MMRN1: variants seen among roughly 807,000 people sequenced by gnomAD.
MMRN1 encodes multimerin-1.
MMRN1 carries 94 observed loss-of-function variants against 100.7 expected under a neutral mutation model. That is an observed-to-expected ratio of 0.93 (90% confidence interval 0.79 to 1.11). The LOEUF (loss-of-function observed/expected upper bound fraction) is 1.11. MMRN1 is among the 50% of genes least tolerant of loss of function. MMRN1 has a pLI of 0.00. For synonymous variants in MMRN1, 575 were observed against 505.0 expected, an observed-to-expected ratio of 1.14 and a Z score of -1.86; for missense variants, 1,606 against 1,439.1, an observed-to-expected ratio of 1.12 and a Z score of -1.88.
intron 1 of MMRN1, among the ~76,000 whole-genome samples, chr4:89,889,116 T>G (rs532130239): frequency 6.6e-6 from 1 of 152,288 alleles, no homozygotes; most frequent in South Asian, 2.1e-4. Context: ...GTAATTGAGC[T>G]AGGTCTAATA....
At position 89,932,337 on chromosome 4, in the gene MMRN1, C is replaced by T. The variant is rs567727680; in HGVS notation, c.1130-2473C>T. ...CCTCTCTTCCAGCTGCTTCCATGGG[C>T]TGATTTTGAAGGTCTGTGGCTTTTT... is the stretch of plus-strand genomic sequence containing the variant. On this transcript the variant is annotated intron_variant, in intron 5 of 7. Transcript: ENST00000264790. Among the ~76,000 whole-genome samples, 3 of 152,260 alleles carry T rather than the reference C, an allele frequency of 2.0e-5. No homozygotes were observed. In the South Asian group the frequency reaches 6.2e-4, roughly 32 times the overall value.
upstream of MMRN1, among the ~76,000 whole-genome samples, chr4:89,890,883 T>TC (rs954863365): frequency 6.6e-6 from 1 of 152,050 alleles, no homozygotes; most frequent in Admixed American, 6.6e-5. Context: ...TGTTTTTTTT[T>TC]CCTGATAAAC....
intron 2 of MMRN1, among the ~76,000 whole-genome samples, chr4:89,911,039 A>G (rs1217981446): frequency 6.6e-6 from 1 of 151,362 alleles, no homozygotes; most frequent in Non-Finnish European, 1.5e-5. Context: ...GAGTTATTTC[A>G]TCTCTCTGTT....
At chr4:89,947,099 C>T (rs1242699752) in intron 6 of MMRN1, among the ~76,000 whole-genome samples, 5 of 152,042 alleles carry the variant, frequency 3.3e-5, no homozygotes, top group South Asian at 2.1e-4. Flanking sequence ...TTGGCCCACA[C>T]GGTGAAACCC....
At chr4:89,885,250 T>C (rs982897824) in intron 1 of MMRN1, among the ~76,000 whole-genome samples, 17 of 152,076 alleles carry the variant, frequency 1.1e-4, no homozygotes, top group Middle Eastern at 3.4e-3. Flanking sequence ...GCCTGACTTC[T>C]GAGTGTAAAT....
intron 1 of MMRN1, among the ~76,000 whole-genome samples, chr4:89,883,864 A>G (rs1330938105): frequency 6.6e-6 from 1 of 152,120 alleles, no homozygotes; most frequent in African/African-American, 2.4e-5. Context: ...TACAAGGTGT[A>G]TGGTTTTAAT....
At chr4:89,907,845 T>G (rs111878299) in intron 1 of MMRN1, among the ~76,000 whole-genome samples, 1 of 150,282 alleles carries the variant, frequency 6.7e-6, no homozygotes, top group Non-Finnish European at 1.5e-5. Flanking sequence ...TTTTTTTCTA[T>G]TTACTGGATT....
intron 3 of MMRN1, among the ~76,000 whole-genome samples, chr4:89,916,636 G>C (rs907414471): frequency 6.6e-6 from 1 of 151,442 alleles, no homozygotes; most frequent in Non-Finnish European, 1.5e-5. Flanking sequence ...ATTTTCACTT[G>C]ATACTTCTAT....
upstream of MMRN1, among the ~76,000 whole-genome samples, chr4:89,892,515 C>CT (rs1231921457): frequency 6.6e-6 from 1 of 151,756 alleles, no homozygotes; most frequent in African/African-American, 2.4e-5. Context: ...GACAAGGTCT[C>CT]TGACAATTTC....
At chr4:89,921,961 G>A (rs1048762344) in intron 3 of MMRN1, among the ~76,000 whole-genome samples, 4 of 152,106 alleles carry the variant, frequency 2.6e-5, no homozygotes, top group Admixed American at 6.5e-5. Context: ...GAAGAAGCAC[G>A]GCTAGACACA....
chr4:89,935,101 G>T lies in MMRN1; in HGVS notation c.1421G>T (p.Cys474Phe). 8 of 1,613,726 alleles carry T rather than the reference G, an allele frequency of 5.0e-6. No homozygotes were observed. The highest frequency in any genetic ancestry group is 6.8e-6 in the Non-Finnish European group (8 of 1,179,776). Reference protein sequence around the residue: ...VNVRQEMTLTCEKPIKELEVK... With the variant: ...VNVRQEMTLTFEKPIKELEVK... ...GTAAGGCAAGAAATGACTCTTACAT[G>T]TGAGAAGCCTATTAAAGAACTAGAA... The change falls in exon 6 of 8, where the codon TGT becomes TTT. Residue 474 changes from cysteine (C) to phenylalanine (F), a missense_variant. Transcript: ENST00000264790.
At chr4:89,939,059 G>A (rs1447105309) in intron 6 of MMRN1, among the ~76,000 whole-genome samples, 4 of 152,092 alleles carry the variant, frequency 2.6e-5, no homozygotes, top group Non-Finnish European at 5.9e-5. Flanking sequence ...AGCAGGCAAG[G>A]TCTATGAAAG....
In MMRN1 at chr4:89,884,097, T is replaced by G. The variant is rs913454127; in HGVS notation, c.-249+4495T>G. 2.0e-5 allele frequency among the ~76,000 whole-genome samples: 3 copies of G among 152,154 alleles called. No homozygotes were observed. In the East Asian group the frequency reaches 5.8e-4, roughly 29 times the overall value. ...TATTTTTCTATTTTTACACCAATAT[T>G]ATAGTATTTTTCCTTATTGTAGATT... On this transcript the variant is annotated intron_variant, in intron 1 of 8. Transcript: ENST00000394980.
At chr4:89,889,933 T>C (rs1198552453), upstream of MMRN1, among the ~76,000 whole-genome samples, 3 of 152,116 alleles carry the variant, frequency 2.0e-5, no homozygotes, top group Non-Finnish European at 4.4e-5. Context: ...TTCCAACCTC[T>C]TGCCTTATCT....
At position 89,935,252 on chromosome 4, in the gene MMRN1, A is replaced by G. The variant is rs1013228734; in HGVS notation, c.1572A>G (p.Glu524=). Residue 524 remains glutamate, a synonymous_variant, in exon 6 of 8, where the codon GAA becomes GAG. Transcript: ENST00000264790. ...KEVHEQLLST[E]QVSDQKNAPA... ...TACATGAGCAGCTTTTATCAACTGAACAGGTATCAGACCAGAAGAATGCTC... is the reference window on the plus strand; with the variant it reads ...TACATGAGCAGCTTTTATCAACTGAGCAGGTATCAGACCAGAAGAATGCTC... 2 of 1,613,662 alleles carry G rather than the reference A, an allele frequency of 1.2e-6. No individual in the cohort carries two copies. The highest frequency in any genetic ancestry group is 1.7e-5 in the Admixed American group (1 of 59,954).
chr4:89,885,237 A>G (rs952931018), intron 1 of MMRN1, among the ~76,000 whole-genome samples: 1 of 150,756 alleles, frequency 6.6e-6, no homozygotes, highest in Admixed American at 6.6e-5. Flanking sequence ...GGTGAATAAC[A>G]TTGCCTGACT....
chr4:89,934,999 A>C lies in MMRN1; in HGVS notation c.1319A>C (p.Gln440Pro). 4 of 1,612,976 alleles carry C rather than the reference A, an allele frequency of 2.5e-6. No homozygotes were observed. Among genetic ancestry groups the C allele is most frequent in the Non-Finnish European group, 3.4e-6 (4 of 1,179,584 alleles). ...GAATCTGTGGTTTCAATAGCAGCCC[A>C]GCAAAAGTTTGTTTTGGTGCAAGAG... The part of the protein sequence containing the change: ...VNESVVSIAA[Q>P]QKFVLVQENR... The change falls in exon 6 of 8, where the codon CAG becomes CCG. Residue 440 changes from glutamine to proline, a missense_variant. By Grantham distance (76) the Gln-to-Pro change is moderately conservative (BLOSUM62 -1). Transcript: ENST00000264790.
chr4:89,901,432 A>C (rs1382719772), intron 1 of MMRN1, among the ~76,000 whole-genome samples: 1 of 152,024 alleles, frequency 6.6e-6, no homozygotes, highest in Admixed American at 6.6e-5. Context: ...GACAAATTAG[A>C]AAATTACAAA....
chr4:89,908,080 C>T (rs562733719), intron 1 of MMRN1, among the ~76,000 whole-genome samples: 1 of 151,352 alleles, frequency 6.6e-6, no homozygotes, highest in East Asian at 2.0e-4. Flanking sequence ...CATTTTTTAA[C>T]CATCCTAGTA....
Sources: gnomAD v4.1 joint callset for allele counts (sites outside exome capture counted in the v4.1 genomes callset) on GRCh38, gnomAD v4.1.1 for gene constraint, MANE v1.5 for transcripts, NCBI Gene and HGNC (gene_info 2026-07-23, HGNC 2026-07-21) for gene names.